The following FOXP2 variants were observed in gnomAD, a reference collection of about 807,000 sequenced individuals.
FOXP2 encodes the protein forkhead box P2, also known as forkhead box protein P2.
A neutral mutation model predicts 115.8 loss-of-function variants in FOXP2; 12 were observed. The ratio of observed to expected loss-of-function variants is 0.10; its 90% CI spans 0.07 to 0.17. FOXP2 has a LOEUF of 0.17. Among genes scored for constraint, FOXP2 ranks in the 10% least tolerant of loss-of-function variants. The pLI is 1.00. For missense variants in FOXP2, 629 were observed against 843.5 expected (o/e 0.75, Z 3.15); for synonymous variants, 328 against 297.7 (o/e 1.10, Z -1.05).
At position 114,664,456 on chromosome 7, in the gene FOXP2, T is replaced by G; in HGVS notation, c.2003+20T>G. The G allele has an allele frequency of 3.1e-6, 5 of 1,613,070 alleles. No homozygotes were observed. The highest frequency in any genetic ancestry group is 4.2e-6 in the Non-Finnish European group (5 of 1,179,436). Reference sequence around the variant, plus strand: ...GCACATGTAAGTGTGGTTAACAGACTCTCTAAAGGGAAGAATCTATATTAA... The same window carrying G: ...GCACATGTAAGTGTGGTTAACAGACGCTCTAAAGGGAAGAATCTATATTAA... On this transcript the variant is annotated intron_variant, in intron 16 of 16. Transcript: ENST00000350908.
At chr7:114,603,033 G>A (rs983422204) in intron 3 of FOXP2, among the ~76,000 whole-genome samples, 3 of 152,114 alleles carry the variant, frequency 2.0e-5, no homozygotes, top group Admixed American at 2.0e-4. Flanking sequence ...TGTCACTGTG[G>A]CGTTAATTAG....
intron 2 of FOXP2, among the ~76,000 whole-genome samples, chr7:114,395,368 T>C (rs747858974): frequency 1.3e-5 from 2 of 152,142 alleles, no homozygotes; most frequent in Non-Finnish European, 2.9e-5. Context: ...TGTTATGGCA[T>C]TGCAGCAGAG....
intron 3 of FOXP2, among the ~76,000 whole-genome samples, chr7:114,579,686 A>C (rs1801748487): frequency 6.6e-6 from 1 of 152,150 alleles, no homozygotes; most frequent in South Asian, 2.1e-4. Flanking sequence ...CACATGGATT[A>C]ATTCCTTTTT....
At chr7:114,090,772 T>C (rs1446497212) in intron 1 of FOXP2, among the ~76,000 whole-genome samples, 1 of 151,796 alleles carries the variant, frequency 6.6e-6, no homozygotes, top group Non-Finnish European at 1.5e-5. Flanking sequence ...TCCTATCAAT[T>C]CTATAGTCTT....
chr7:114,263,349 CT>C (rs372641577), intron 1 of FOXP2, among the ~76,000 whole-genome samples: 79 of 144,768 alleles, frequency 5.5e-4, no homozygotes, highest in African/African-American at 1.0e-3. Flanking sequence ...ACTTCTTTTT[CT>C]TTTTTTTTTT....
At chr7:114,195,992 T>C (rs568835041) in intron 1 of FOXP2, among the ~76,000 whole-genome samples, 1 of 152,176 alleles carries the variant, frequency 6.6e-6, no homozygotes, top group South Asian at 2.1e-4. Context: ...TTGTATATTT[T>C]GTATTTTAAA....
At chr7:114,672,307 G>A (rs1279528659) in intron 16 of FOXP2, among the ~76,000 whole-genome samples, 2 of 152,074 alleles carry the variant, frequency 1.3e-5, no homozygotes, top group Admixed American at 1.3e-4. Flanking sequence ...ATTGTTGGCC[G>A]GGTGCAATGG....
At chr7:114,603,836 A>G (rs1803163223) in intron 3 of FOXP2, among the ~76,000 whole-genome samples, 1 of 152,218 alleles carries the variant, frequency 6.6e-6, no homozygotes, top group Admixed American at 6.6e-5. Flanking sequence ...AAACGAAATT[A>G]TTTATTGATA....
intron 1 of FOXP2, among the ~76,000 whole-genome samples, chr7:114,216,533 T>C (rs534316131): frequency 2.0e-5 from 3 of 152,262 alleles, no homozygotes; most frequent in South Asian, 4.1e-4. Context: ...TTATATATTG[T>C]ATATGTAATA....
intron 2 of FOXP2, among the ~76,000 whole-genome samples, chr7:114,447,626 A>G (rs1051250761): frequency 1.3e-5 from 2 of 151,986 alleles, no homozygotes; most frequent in Non-Finnish European, 2.9e-5. Context: ...TTTTACTCCT[A>G]TCTCCCAGCT....
chr7:114,275,513 T>A (rs1562849351), intron 1 of FOXP2, among the ~76,000 whole-genome samples: 2 of 152,182 alleles, frequency 1.3e-5, no homozygotes. Flanking sequence ...TCTAGTTTTC[T>A]TTTTGTTTGT....
At chr7:114,671,468 T>C (rs1223368174) in intron 16 of FOXP2, among the ~76,000 whole-genome samples, 1 of 152,176 alleles carries the variant, frequency 6.6e-6, no homozygotes, top group Non-Finnish European at 1.5e-5. Context: ...TTAGGCAAAG[T>C]GTGTCAGAAA....
chr7:114,349,109 A>G (rs1791417115), intron 2 of FOXP2, among the ~76,000 whole-genome samples: 1 of 152,066 alleles, frequency 6.6e-6, no homozygotes, highest in Non-Finnish European at 1.5e-5. Context: ...TGTCCCATCA[A>G]TGCTTGTGAC....
chr7:114,102,330 G>A (rs181800352), intron 1 of FOXP2, among the ~76,000 whole-genome samples: 137 of 151,898 alleles, frequency 9.0e-4, no homozygotes, highest in Non-Finnish European at 1.6e-3. Flanking sequence ...AGAATTTTAT[G>A]CTGAGCCATC....
chr7:114,117,575 A>G (rs1048332068), intron 1 of FOXP2, among the ~76,000 whole-genome samples: 2 of 152,096 alleles, frequency 1.3e-5, no homozygotes, highest in Non-Finnish European at 2.9e-5. Context: ...ATTTATTACC[A>G]TTGAGAGGGA....
chr7:114,403,618 G>A (rs563166434), intron 2 of FOXP2, among the ~76,000 whole-genome samples: 1 of 152,262 alleles, frequency 6.6e-6, no homozygotes, highest in East Asian at 1.9e-4. Context: ...TACTATGCTA[G>A]TGATACAAGG....
At chr7:114,521,011 A>G (rs766562959) in intron 2 of FOXP2, among the ~76,000 whole-genome samples, 63 of 152,258 alleles carry the variant, frequency 4.1e-4, no homozygotes, top group South Asian at 8.3e-4. Flanking sequence ...AATATCTATC[A>G]GAAGAGGATT....
At chr7:114,237,202 A>G (rs1424022180) in intron 1 of FOXP2, among the ~76,000 whole-genome samples, 1 of 152,228 alleles carries the variant, frequency 6.6e-6, no homozygotes, top group Non-Finnish European at 1.5e-5. Context: ...TTGTACGAGT[A>G]TGAGTGATGT....
At chr7:114,174,149 AATGT>A (rs976618013) in intron 1 of FOXP2, among the ~76,000 whole-genome samples, 17 of 151,976 alleles carry the variant, frequency 1.1e-4, no homozygotes, top group African/African-American at 3.9e-4. Flanking sequence ...CAAATAAATA[AATGT>A]GTGTGTATGC....
Sources: gnomAD v4.1 joint callset for allele counts (sites outside exome capture counted in the v4.1 genomes callset) on GRCh38, gnomAD v4.1.1 for gene constraint, MANE v1.5 for transcripts, NCBI Gene and HGNC (gene_info 2026-07-23, HGNC 2026-07-21) for gene names.